FMO3: variants seen among roughly 807,000 people sequenced by gnomAD.
The protein encoded by FMO3 is flavin containing dimethylaniline monoxygenase 3.
Under a neutral mutation model 39.4 loss-of-function variants are expected in FMO3, and 40 were observed. That is an observed-to-expected ratio of 1.02 (90% CI 0.79 to 1.32). The LOEUF is 1.32. Among genes scored for constraint, FMO3 ranks in the 40% most tolerant of loss-of-function variants. The pLI, the probability that FMO3 is intolerant of heterozygous loss-of-function variation, is 0.00. For synonymous variants in FMO3, 219 were observed against 228.8 expected (o/e 0.96, Z 0.39); for missense variants, 680 against 651.8 (o/e 1.04, Z -0.47).
intron 6 of FMO3, among the ~76,000 whole-genome samples, chr1:171,111,974 G>C (rs1254796778): frequency 6.6e-6 from 1 of 152,188 alleles, no homozygotes; most frequent in Non-Finnish European, 1.5e-5. Flanking sequence ...ATTTCCAATA[G>C]AGTCCTCAGA....
rs1655736013 is a variant in FMO3, at chr1:171,108,165, G to T, written c.571G>T (p.Gly191Cys). ...CAATGGAAAGCGTGTCCTGGTGGTTGGCCTGGGGAATTCGGGCTGTGATAT... is the reference window on the plus strand; with the variant it reads ...CAATGGAAAGCGTGTCCTGGTGGTTTGCCTGGGGAATTCGGGCTGTGATAT... The part of the protein sequence containing the change: ...VFNGKRVLVV[G>C]LGNSGCDIAT... Residue 191 changes from glycine (G) to cysteine (C), a missense_variant, in exon 5 of 9, where the codon GGC becomes TGC. Gly to Cys is a radical substitution (Grantham distance 159). Transcript: ENST00000367755. 1.9e-6 allele frequency: 3 copies of T among 1,613,946 alleles called. No homozygotes were observed. Among genetic ancestry groups the T allele is most frequent in the East Asian group, 4.5e-5 (2 of 44,872 alleles).
intron 2 of FMO3, among the ~76,000 whole-genome samples, chr1:171,096,272 ATAT>A (rs557495807): frequency 0.024 from 1,225 of 50,246 alleles, 18 homozygotes; most frequent in Middle Eastern, 0.083. Flanking sequence ...ATATATATAA[ATAT>A]TATATATATT....
intron 2 of FMO3, among the ~76,000 whole-genome samples, chr1:171,101,534 T>C (rs1232206850): frequency 6.6e-6 from 1 of 152,224 alleles, no homozygotes; most frequent in African/African-American, 2.4e-5. Context: ...ATCATCATTT[T>C]ACATTATCTT....
chr1:171,093,342 A>G (rs1477752619), intron 2 of FMO3, among the ~76,000 whole-genome samples: 1 of 152,154 alleles, frequency 6.6e-6, no homozygotes, highest in African/African-American at 2.4e-5. Flanking sequence ...TGTATACATT[A>G]TGTAGCTCCC....
chr1:171,114,690 T>C (rs941007156), intron 7 of FMO3, among the ~76,000 whole-genome samples: 2 of 152,214 alleles, frequency 1.3e-5, no homozygotes, highest in African/African-American at 4.8e-5. Flanking sequence ...TATAAAATTA[T>C]GATTGCAAAA....
intron 7 of FMO3, 93 bp from the exon 8 acceptor site, chr1:171,116,115 T>C: frequency 1.3e-6 from 1 of 784,674 alleles, no homozygotes; most frequent in Non-Finnish European, 2.3e-6. Context: ...CACCAATTAA[T>C]GTAATTCATA....
At chr1:171,100,848 A>G (rs1571210064) in intron 2 of FMO3, 1 of 272,968 alleles carries the variant, frequency 3.7e-6, no homozygotes, top group Non-Finnish European at 7.4e-6. Context: ...TGTAAATGTT[A>G]TCTTACTTAC....
intron 6 of FMO3, among the ~76,000 whole-genome samples, chr1:171,112,350 A>G (rs949315098): frequency 1.3e-5 from 2 of 152,172 alleles, no homozygotes; most frequent in African/African-American, 4.8e-5. Flanking sequence ...TCATCATTCA[A>G]TGTAAGGGTA....
intron 2 of FMO3, among the ~76,000 whole-genome samples, chr1:171,098,999 A>G (rs1249812886): frequency 6.6e-6 from 1 of 152,076 alleles, no homozygotes; most frequent in South Asian, 2.1e-4. Context: ...TAGGGTGTCA[A>G]TTTTAGATCT....
intron 3 of FMO3, 24 bp downstream of exon 3, chr1:171,103,997 C>T (rs780292018): frequency 1.9e-6 from 3 of 1,542,578 alleles, no homozygotes; most frequent in Non-Finnish European, 2.7e-6. Context: ...AACAATTTAG[C>T]TCTTGTCATA....
intron 2 of FMO3, among the ~76,000 whole-genome samples, chr1:171,095,144 A>C (rs563382392): frequency 5.8e-4 from 88 of 152,132 alleles, no homozygotes; most frequent in Non-Finnish European, 1.1e-3. Context: ...CCTCTGGTTA[A>C]ATGGGTTCCT....
rs529533852 is a variant in FMO3 at position 171,099,236 on chromosome 1, A to G, written c.133-4549A>G. Among the ~76,000 whole-genome samples, 16 of 152,244 alleles carry G rather than the reference A, an allele frequency of 1.1e-4. No individual in the cohort carries two copies. The East Asian group carries it at 3.1e-3, about 29-fold the overall frequency. ...AATGAGTTTCTTAATCCTGAGTTCT[A>G]GTTTGATTGCACTGTGGTCTGAGAG... On this transcript the variant is annotated intron_variant, in intron 2 of 8. Transcript: ENST00000367755.
chr1:171,111,231 T>A (rs1381695116), intron 6 of FMO3, among the ~76,000 whole-genome samples: 2 of 152,190 alleles, frequency 1.3e-5, no homozygotes, highest in African/African-American at 4.8e-5. Flanking sequence ...GTAATGATAA[T>A]CAAAGTTAAC....
At chr1:171,096,505 A>G (rs1374029352) in intron 2 of FMO3, among the ~76,000 whole-genome samples, 2 of 103,834 alleles carry the variant, frequency 1.9e-5, no homozygotes, top group Non-Finnish European at 3.4e-5. Context: ...AATATACTTT[A>G]TATATTAAAT....
At chr1:171,116,456 T>G (rs1482418098) in intron 8 of FMO3, among the ~76,000 whole-genome samples, 176 bp downstream of exon 8, 1 of 152,178 alleles carries the variant, frequency 6.6e-6, no homozygotes, top group Non-Finnish European at 1.5e-5. Flanking sequence ...GCTTCTGACA[T>G]TGTATTAAGT....
At chr1:171,116,066 GA>G in intron 7 of FMO3, 141 bp from the exon 8 acceptor site, 1 of 633,270 alleles carries the variant, frequency 1.6e-6, no homozygotes, top group Non-Finnish European at 2.9e-6. Flanking sequence ...TGAGTTCTGA[GA>G]AGACTAGAAC....
At chr1:171,097,909 T>G (rs185285720) in intron 2 of FMO3, among the ~76,000 whole-genome samples, 1,728 of 152,150 alleles carry the variant, frequency 0.011, 30 homozygotes, top group African/African-American at 0.039. Context: ...TTCTTCTAGG[T>G]TTTTTATGGT....
chr1:171,108,162 G>A lies in FMO3; in HGVS notation c.568G>A (p.Val190Ile). ...GVFNGKRVLV[V>I]GLGNSGCDIA... Reference sequence around the variant, plus strand: ...ATTCAATGGAAAGCGTGTCCTGGTGGTTGGCCTGGGGAATTCGGGCTGTGA... The same window carrying A: ...ATTCAATGGAAAGCGTGTCCTGGTGATTGGCCTGGGGAATTCGGGCTGTGA... The change falls in exon 5 of 9, where the codon GTT (valine) becomes ATT (isoleucine). Residue 190 changes from valine (V) to isoleucine (I), a missense_variant. Coordinates refer to ENST00000367755, the MANE Select transcript of FMO3 (RefSeq NM_001002294.3). 1 of 1,613,934 alleles carries A rather than the reference G, an allele frequency of 6.2e-7. No individual in the cohort carries two copies. The highest frequency in any genetic ancestry group is 8.5e-7 in the Non-Finnish European group (1 of 1,179,904).
At chr1:171,096,530 A>G (rs1281033139) in intron 2 of FMO3, among the ~76,000 whole-genome samples, 2 of 71,162 alleles carry the variant, frequency 2.8e-5, no homozygotes, top group East Asian at 1.1e-3. Context: ...AATATACTTT[A>G]TATATTAAAT....
Sources: allele counts gnomAD v4.1 joint callset (sites outside exome capture counted in the v4.1 genomes callset), GRCh38; gene constraint gnomAD v4.1.1; transcripts MANE v1.5; gene names NCBI Gene and HGNC (gene_info 2026-07-23, HGNC 2026-07-21).